Variants in USP10 observed in about 807,000 individuals in gnomAD.
USP10 encodes the protein ubiquitin specific peptidase 10, also known as ubiquitin carboxyl-terminal hydrolase 10.
In USP10, 22 loss-of-function variants were observed where a neutral mutation model predicts 84.5. That is an observed-to-expected ratio of 0.26 (90% CI 0.19 to 0.37). The LOEUF (loss-of-function observed/expected upper bound fraction) is 0.37. Ranked by LOEUF, USP10 falls within the 10% of genes least tolerant of loss-of-function variation. The pLI, the probability that USP10 is intolerant of heterozygous loss-of-function variation, is 1.00. For synonymous variants in USP10, 454 were observed against 387.6 expected, an observed-to-expected ratio of 1.17 and a Z score of -2.01; for missense variants, 1,019 against 998.9, an observed-to-expected ratio of 1.02 and a Z score of -0.27.
chr16:84,727,936 T>A (rs534681747), intron 1 of USP10, among the ~76,000 whole-genome samples: 3 of 152,362 alleles, frequency 2.0e-5, no homozygotes, highest in East Asian at 3.9e-4. Context: ...CTTTCTAGAA[T>A]TTTCCCTTCC....
chr16:84,733,339 A>G, intron 1 of USP10, 96 bp from the exon 2 acceptor site: 1 of 970,164 alleles, frequency 1.0e-6, no homozygotes, highest in Non-Finnish European at 1.6e-6. Flanking sequence ...TTATGGCCCA[A>G]ATGTTGCATA....
chr16:84,732,406 T>G, intron 1 of USP10: 1 of 394,604 alleles, frequency 2.5e-6, no homozygotes. Context: ...TTCTCCGTTG[T>G]GGAAATTGCT....
At chr16:84,735,461 C>G (rs1398532710) in intron 2 of USP10, among the ~76,000 whole-genome samples, 1 of 152,200 alleles carries the variant, frequency 6.6e-6, no homozygotes, top group East Asian at 1.9e-4. Context: ...AGTTCTGCCA[C>G]TTCCACAGGC....
At chr16:84,759,848 T>G in intron 6 of USP10, 43 bp from the exon 7 acceptor site, 1 of 1,580,080 alleles carries the variant, frequency 6.3e-7, no homozygotes, top group Non-Finnish European at 8.7e-7. Flanking sequence ...AAAGTATATA[T>G]TGTTTAAAAC....
At chr16:84,723,267 G>GGTGTTCCTTTAAA (rs1908046143) in intron 1 of USP10, among the ~76,000 whole-genome samples, 1 of 151,948 alleles carries the variant, frequency 6.6e-6, no homozygotes, top group African/African-American at 2.4e-5. Flanking sequence ...GGTCAAAATA[G>GGTGTTCCTTTAAA]GTGTTCCTTT....
At chr16:84,737,067 C>G (rs549776368) in intron 2 of USP10, among the ~76,000 whole-genome samples, 3 of 152,312 alleles carry the variant, frequency 2.0e-5, no homozygotes, top group Admixed American at 2.0e-4. Flanking sequence ...GGATTACAGG[C>G]GTGAGCCACC....
chr16:84,760,541 G>A (rs1052686906), intron 8 of USP10, among the ~76,000 whole-genome samples: 9 of 152,180 alleles, frequency 5.9e-5, no homozygotes, highest in Admixed American at 5.9e-4. Context: ...CTGAGGTCAG[G>A]TAGCTAATGT....
Position 84,745,462 on chromosome 16 carries a change from G to T in USP10, c.981G>T (p.Thr327=). 1 of 1,613,566 alleles carries T rather than the reference G, an allele frequency of 6.2e-7. No homozygotes were observed. Among genetic ancestry groups the T allele is most frequent in the Non-Finnish European group, 8.5e-7 (1 of 1,179,618 alleles). ...GTGCATCACCTCCTGCTGACGGCAC[G>T]GGCTCTGCATCAGGCACCCTTCCTG... is the stretch of plus-strand genomic sequence containing the variant. ...PESASPPADG[T]GSASGTLPVS... Residue 327 remains threonine (T), a synonymous_variant, in exon 4 of 14, where the codon ACG becomes ACT. Transcript: ENST00000219473.
At chr16:84,728,512 G>C (rs2150790865) in intron 1 of USP10, among the ~76,000 whole-genome samples, 1 of 152,118 alleles carries the variant, frequency 6.6e-6, no homozygotes, top group South Asian at 2.1e-4. Flanking sequence ...GCTAATTTTT[G>C]TATTTTTAAT....
intron 1 of USP10, among the ~76,000 whole-genome samples, chr16:84,728,784 T>C (rs1322952467): frequency 3.9e-5 from 6 of 152,212 alleles, no homozygotes; most frequent in African/African-American, 1.2e-4. Flanking sequence ...TATTCTGTTT[T>C]ATAAGCAGCA....
At chr16:84,768,060 TG>T in intron 10 of USP10, 132 bp from the exon 11 acceptor site, 4 of 896,614 alleles carry the variant, frequency 4.5e-6, no homozygotes, top group Non-Finnish European at 6.6e-6. Flanking sequence ...AGTATATTTT[TG>T]GCTTTTCTCT....
intron 4 of USP10, among the ~76,000 whole-genome samples, chr16:84,757,857 A>T (rs899136682): frequency 6.6e-6 from 1 of 152,038 alleles, no homozygotes; most frequent in Admixed American, 6.6e-5. Context: ...AAGTGGTGGT[A>T]CTCCTAGATT....
chr16:84,719,579 C>T (rs185364238), intron 1 of USP10, among the ~76,000 whole-genome samples: 1 of 152,278 alleles, frequency 6.6e-6, no homozygotes, highest in Non-Finnish European at 1.5e-5. Flanking sequence ...TTATGCTGCT[C>T]CCCTGCTAGG....
intron 6 of USP10, 124 bp from the exon 7 acceptor site, chr16:84,759,767 A>C (rs150616871): frequency 6.0e-6 from 6 of 996,564 alleles, no homozygotes; most frequent in Non-Finnish European, 9.2e-6. Context: ...TAGCTGTTAC[A>C]GCATTGGTTA....
chr16:84,771,741 G>T (rs1381296344), intron 11 of USP10, among the ~76,000 whole-genome samples: 1 of 152,008 alleles, frequency 6.6e-6, no homozygotes, highest in Non-Finnish European at 1.5e-5. Context: ...GGTGGTGGGA[G>T]CCTGTAATCC....
Position 84,740,164 on chromosome 16 carries a change from C to G in USP10, c.91-145C>G, listed in dbSNP as rs550546637. 551 of 622,354 alleles carry G rather than the reference C, an allele frequency of 8.9e-4. 4 individuals are homozygous for G. The highest frequency in any genetic ancestry group is 2.2e-3 in the South Asian group (94 of 43,524). 38.6% of individuals were successfully genotyped at this position (622,354 alleles called of 1,614,324 possible). On this transcript the variant is annotated intron_variant, in intron 2 of 13. Transcript: ENST00000219473. ...GAAGATGATTTAGATTGCACTGACT[C>G]TTCATGTATGTTATTCTGCTAGAAG...
At chr16:84,759,854 A>G in intron 6 of USP10, 37 bp from the exon 7 acceptor site, 1 of 1,599,950 alleles carries the variant, frequency 6.3e-7, no homozygotes, top group South Asian at 1.1e-5. Flanking sequence ...TATATTGTTT[A>G]AAACTGCACT....
chr16:84,732,934 T>G (rs1909431451), intron 1 of USP10: 1 of 376,212 alleles, frequency 2.7e-6, no homozygotes, highest in Non-Finnish European at 5.2e-6. Context: ...TGGAAATGCA[T>G]TTTTAAACTA....
At chr16:84,730,777 G>A (rs1256089811) in intron 1 of USP10, among the ~76,000 whole-genome samples, 1 of 152,124 alleles carries the variant, frequency 6.6e-6, no homozygotes, top group East Asian at 1.9e-4. Context: ...ATAAGAAAGT[G>A]TGCTTAGAAG....
Sources: allele counts gnomAD v4.1 joint callset (sites outside exome capture counted in the v4.1 genomes callset), GRCh38; gene constraint gnomAD v4.1.1; transcripts MANE v1.5; gene names NCBI Gene and HGNC (gene_info 2026-07-23, HGNC 2026-07-21).